Variants in RBFOX1 observed in about 807,000 individuals in gnomAD.
The protein encoded by RBFOX1 is RNA binding fox-1 homolog 1, also known as RNA binding protein fox-1 homolog 1.
Under a neutral mutation model 57.7 loss-of-function variants are expected in RBFOX1, and 8 were observed. The observed-to-expected ratio is 0.14, with a 90% confidence interval of 0.08 to 0.25. The LOEUF (loss-of-function observed/expected upper bound fraction) is 0.25, where lower values mean the gene tolerates loss of function less well. Ranked by LOEUF, RBFOX1 falls within the 10% of genes least tolerant of loss-of-function variation. The probability of loss-of-function intolerance (pLI) is 1.00; values close to 1 mark genes in which losing one functional copy is unlikely to be tolerated. For synonymous variants in RBFOX1, 326 were observed against 222.4 expected (o/e 1.47, Z -4.15); for missense variants, 611 against 548.5 (o/e 1.11, Z -1.14).
chr16:6,014,025 A>C (rs1307566243), upstream of RBFOX1, among the ~76,000 whole-genome samples: 3 of 152,118 alleles, frequency 2.0e-5, no homozygotes, highest in South Asian at 2.1e-4. Context: ...TGACGAGTTA[A>C]TGGGTGCAGC....
chr16:7,332,980 GAAT>G, intron 4 of RBFOX1: 1 of 1,613,172 alleles, frequency 6.2e-7, no homozygotes, highest in Non-Finnish European at 8.5e-7. Flanking sequence ...GCTTCAGAGG[GAAT>G]AATAACTCTA....
chr16:7,286,803 A>G (rs906646063), intron 4 of RBFOX1, among the ~76,000 whole-genome samples: 4 of 150,968 alleles, frequency 2.6e-5, no homozygotes, highest in Non-Finnish European at 5.9e-5. Flanking sequence ...TTGTTTTTGT[A>G]TTTTTAGTAG....
chr16:6,923,262 G>C (rs1405449202), intron 3 of RBFOX1, among the ~76,000 whole-genome samples: 1 of 152,128 alleles, frequency 6.6e-6, no homozygotes, highest in Non-Finnish European at 1.5e-5. Flanking sequence ...GGCCAGGTGT[G>C]GTGGCTCATG....
intron 3 of RBFOX1, among the ~76,000 whole-genome samples, chr16:6,976,219 C>G (rs1382311425): frequency 6.6e-6 from 1 of 152,100 alleles, no homozygotes; most frequent in African/African-American, 2.4e-5. Flanking sequence ...TATGAGCATT[C>G]TAATTATTAC....
intron 1 of RBFOX1, among the ~76,000 whole-genome samples, chr16:5,371,515 C>T (rs1219744231): frequency 1.3e-5 from 2 of 152,192 alleles, no homozygotes; most frequent in African/African-American, 4.8e-5. Flanking sequence ...TTGTTTAAGC[C>T]ACCCCACCTG....
At chr16:6,523,359 G>A (rs1291680132) in intron 2 of RBFOX1, among the ~76,000 whole-genome samples, 1 of 152,102 alleles carries the variant, frequency 6.6e-6, no homozygotes, top group Non-Finnish European at 1.5e-5. Flanking sequence ...GTTTGGTGTG[G>A]GGCTGAGGGG....
At chr16:5,500,102 CCCTTCCCTCCCTTCCCTCCTTCCCT>C (rs2043135595) in intron 2 of RBFOX1, among the ~76,000 whole-genome samples, 2 of 131,280 alleles carry the variant, frequency 1.5e-5, no homozygotes, top group African/African-American at 7.3e-5. Flanking sequence ...TCCATTCCCT[CCCTTCCCTCCCTTCCCTCCTTCCCT>C]CCTTCCCTCC....
intron 3 of RBFOX1, among the ~76,000 whole-genome samples, chr16:6,900,074 A>G (rs1260672654): frequency 6.6e-6 from 1 of 152,184 alleles, no homozygotes; most frequent in Non-Finnish European, 1.5e-5. Flanking sequence ...TAATACTCAT[A>G]AAATGCTTAG....
intron 3 of RBFOX1, among the ~76,000 whole-genome samples, chr16:6,960,435 C>T (rs1240110835): frequency 4.6e-5 from 7 of 152,162 alleles, no homozygotes; most frequent in Admixed American, 1.3e-4. Flanking sequence ...TACCCGGTTA[C>T]AGGAATAAAC....
intron 3 of RBFOX1, among the ~76,000 whole-genome samples, chr16:5,630,713 G>T (rs147105006): frequency 6.6e-6 from 1 of 152,118 alleles, no homozygotes; most frequent in African/African-American, 2.4e-5. Flanking sequence ...CCTGATGGAC[G>T]TGGGCTTGTC....
chr16:6,904,697 C>G (rs1220014381), intron 3 of RBFOX1, among the ~76,000 whole-genome samples: 4 of 151,530 alleles, frequency 2.6e-5, no homozygotes. Flanking sequence ...CTGCTTTTTC[C>G]CGTCAGTTTC....
At chr16:7,323,537 G>A (rs1385290598) in intron 4 of RBFOX1, among the ~76,000 whole-genome samples, 1 of 152,262 alleles carries the variant, frequency 6.6e-6, no homozygotes, top group African/African-American at 2.4e-5. Flanking sequence ...GCACAAGGGA[G>A]TTTTGTAGTT....
intron 3 of RBFOX1, among the ~76,000 whole-genome samples, chr16:5,668,351 G>C (rs965815370): frequency 1.3e-5 from 2 of 152,142 alleles, no homozygotes; most frequent in African/African-American, 4.8e-5. Context: ...TCTCTGAGCT[G>C]AATAAGCCTT....
chr16:7,504,787 T>A (rs368161313), intron 4 of RBFOX1, among the ~76,000 whole-genome samples: 176 of 9,174 alleles, frequency 0.019, 7 homozygotes, highest in African/African-American at 0.042. Flanking sequence ...ATATATATAT[T>A]TATATATATA....
intron 3 of RBFOX1, among the ~76,000 whole-genome samples, chr16:5,810,132 A>G (rs894027117): frequency 6.8e-6 from 1 of 147,644 alleles, no homozygotes; most frequent in African/African-American, 2.5e-5. Context: ...CAGTGAGAAC[A>G]CATGGACACA....
intron 3 of RBFOX1, among the ~76,000 whole-genome samples, chr16:6,975,004 G>A (rs1046789168): frequency 5.3e-5 from 8 of 152,156 alleles, no homozygotes; most frequent in African/African-American, 1.9e-4. Context: ...AGAAAGGGTG[G>A]AGCTAGGTGT....
chr16:6,182,722 A>T (rs973931201), intron 1 of RBFOX1, among the ~76,000 whole-genome samples: 1 of 152,182 alleles, frequency 6.6e-6, no homozygotes, highest in African/African-American at 2.4e-5. Context: ...ACCTGTGGAC[A>T]TTTAGGAACG....
chr16:6,780,466 T>TTA (rs1214727380), intron 3 of RBFOX1, among the ~76,000 whole-genome samples: 1,102 of 95,210 alleles, frequency 0.012, 8 homozygotes, highest in East Asian at 0.043. Context: ...TTATATATAT[T>TTA]TATATACATT....
rs574502772 is a variant in RBFOX1 at position 6,896,414 on chromosome 16, C to A, written c.-15-155643C>A. On this transcript the variant is annotated intron_variant, in intron 3 of 15. Coordinates refer to ENST00000550418, the MANE Select transcript of RBFOX1 (RefSeq NM_018723.4). ...TTTTTCTTTAAACTCATCAACCATC[C>A]CTACTTTCCCCTCTTTCAGCCCTGG... Among the ~76,000 whole-genome samples the A allele has an allele frequency of 3.5e-4, 53 of 152,070 alleles. 1 individual carries two copies. Among genetic ancestry groups the A allele is most frequent in the African/African-American group, 1.3e-3 (53 of 41,488 alleles).
Sources: allele counts gnomAD v4.1 joint callset (sites outside exome capture counted in the v4.1 genomes callset), GRCh38; gene constraint gnomAD v4.1.1; transcripts MANE v1.5; gene names NCBI Gene and HGNC (gene_info 2026-07-23, HGNC 2026-07-21).